SLC7A1: variants seen among roughly 807,000 people sequenced by gnomAD.
SLC7A1 encodes the protein solute carrier family 7 member 1.
A neutral mutation model predicts 53.9 loss-of-function variants in SLC7A1; 10 were observed. The observed-to-expected ratio is 0.19, with a 90% CI of 0.11 to 0.31. SLC7A1 has a LOEUF of 0.31. SLC7A1 is among the 10% of genes least tolerant of loss of function. The pLI is 1.00. For synonymous variants in SLC7A1, 342 were observed against 338.7 expected, an observed-to-expected ratio of 1.01 and a Z score of -0.11; for missense variants, 525 against 827.2, an observed-to-expected ratio of 0.63 and a Z score of 4.48.
chr13:29,540,314 G>A (rs986532696), intron 2 of SLC7A1, among the ~76,000 whole-genome samples: 23 of 152,156 alleles, frequency 1.5e-4, no homozygotes, highest in Admixed American at 3.9e-4. Flanking sequence ...AAGCCCAAGG[G>A]TCTCGGATCC....
chr13:29,574,571 T>A (rs1180734098), intron 1 of SLC7A1, among the ~76,000 whole-genome samples: 1 of 152,014 alleles, frequency 6.6e-6, no homozygotes, highest in Non-Finnish European at 1.5e-5. Context: ...ATTTGAAATC[T>A]TACATAAAAA....
At chr13:29,518,817 C>A (rs1399131922) in intron 9 of SLC7A1, among the ~76,000 whole-genome samples, 1 of 152,060 alleles carries the variant, frequency 6.6e-6, no homozygotes, top group Non-Finnish European at 1.5e-5. Flanking sequence ...ATGGAAGCTG[C>A]GCAGGGATGT....
At chr13:29,516,344 G>A in intron 11 of SLC7A1, 98 bp from the exon 12 acceptor site, 2 of 760,148 alleles carry the variant, frequency 2.6e-6, no homozygotes, top group South Asian at 1.7e-5. Context: ...GAGAGTGACA[G>A]GGACCGTCGG....
intron 5 of SLC7A1, 25 bp from the exon 6 acceptor site, chr13:29,524,278 T>C (rs1331143924): frequency 1.2e-6 from 2 of 1,613,946 alleles, no homozygotes; most frequent in Admixed American, 1.7e-5. Context: ...CGCAAACAAA[T>C]GTCACGTCAC....
In SLC7A1 at chr13:29,536,290, G is replaced by C. The variant is rs577072867; in HGVS notation, c.-14-88C>G. The C allele has an allele frequency of 5.4e-6, 7 of 1,292,792 alleles. No homozygotes were observed. In the African/African-American group the frequency reaches 1.0e-4, roughly 19 times the overall value. 80.1% of individuals were successfully genotyped at this position (1,292,792 alleles called of 1,614,324 possible). On this transcript the variant is annotated intron_variant, in intron 2 of 12. Transcript: ENST00000380752. ...ATCACATTATGGAAACACAGACAGT[G>C]ATCAGGTCCTTCATAATCATTTCCT...
chr13:29,527,960 C>A (rs114825114), intron 5 of SLC7A1, among the ~76,000 whole-genome samples: 1,612 of 152,386 alleles, frequency 0.011, 29 homozygotes, highest in African/African-American at 0.037. Flanking sequence ...GAGTAGCCAT[C>A]TGGCTAAGTT....
chr13:29,583,397 CT>C (rs1199966790), intron 1 of SLC7A1, among the ~76,000 whole-genome samples: 15 of 152,226 alleles, frequency 9.9e-5, no homozygotes, highest in Admixed American at 8.5e-4. Context: ...TGGAATCGTG[CT>C]TTCTTCCTTC....
chr13:29,513,243 G>A lies in SLC7A1; in HGVS notation c.*1237C>T, dbSNP rs771019380. 2.0e-5 allele frequency: 3 copies of A among 152,632 alleles called. No homozygotes were observed. The highest frequency in any genetic ancestry group is 6.5e-5 in the Admixed American group (1 of 15,286). The allele number at this position is 152,632 out of a possible 1,614,324, so 9.5% of individuals were successfully genotyped here. The stretch of plus-strand genomic sequence containing the variant: ...CAGAGGCGTGGGGTCCGAAGCATCC[G>A]GATGACAGATACACAAAAGGGACAG... On this transcript the variant is annotated 3_prime_UTR_variant, in exon 13 of 13. Coordinates refer to ENST00000380752, the MANE Select transcript of SLC7A1 (RefSeq NM_003045.5).
chr13:29,532,263 A>G (rs1312323911), intron 4 of SLC7A1, among the ~76,000 whole-genome samples: 1 of 152,254 alleles, frequency 6.6e-6, no homozygotes. Flanking sequence ...AGAAGTTGCC[A>G]TCAGCTGTGT....
chr13:29,559,493 G>C (rs866727490), intron 1 of SLC7A1, among the ~76,000 whole-genome samples: 124 of 67,796 alleles, frequency 1.8e-3, no homozygotes, highest in Non-Finnish European at 3.1e-3. Flanking sequence ...ATGTGAGTGA[G>C]GGGGAGTGAA....
rs1230085793 is a variant in SLC7A1 at position 29,514,315 on chromosome 13, C to G, written c.*165G>C. On this transcript the variant is annotated 3_prime_UTR_variant, in exon 13 of 13. Coordinates refer to ENST00000380752, the MANE Select transcript of SLC7A1 (RefSeq NM_003045.5). Reference sequence around the variant, plus strand: ...AGGGCCCGGAGAACCGGCTGCAGAGCCGAGGGTGGGCTGGGGCTGCAGGTC... The same window carrying G: ...AGGGCCCGGAGAACCGGCTGCAGAGGCGAGGGTGGGCTGGGGCTGCAGGTC... The G allele has an allele frequency of 2.0e-5, 12 of 607,328 alleles. No homozygotes were observed. Among genetic ancestry groups the G allele is most frequent in the Non-Finnish European group, 3.3e-5 (11 of 337,826 alleles). The allele number at this position is 607,328 out of a possible 1,614,324, so 37.6% of individuals were successfully genotyped here.
chr13:29,555,661 G>GA (rs1197518722), intron 1 of SLC7A1, among the ~76,000 whole-genome samples: 43 of 147,296 alleles, frequency 2.9e-4, no homozygotes, highest in African/African-American at 8.0e-4. Context: ...GTTAACTCTG[G>GA]AAAAAAAAAG....
chr13:29,584,899 C>T (rs1385359063), intron 1 of SLC7A1, among the ~76,000 whole-genome samples: 2 of 152,172 alleles, frequency 1.3e-5, no homozygotes, highest in African/African-American at 4.8e-5. Flanking sequence ...CACTCTTCTT[C>T]CCCAAAATCC....
At chr13:29,571,621 C>T (rs77500148) in intron 1 of SLC7A1, among the ~76,000 whole-genome samples, 4,424 of 152,308 alleles carry the variant, frequency 0.029, 211 homozygotes, top group African/African-American at 0.1. Context: ...AAGCATTACA[C>T]TTCATTAAGG....
chr13:29,544,678 G>T (rs1044663613), intron 2 of SLC7A1, among the ~76,000 whole-genome samples: 1 of 152,150 alleles, frequency 6.6e-6, no homozygotes, highest in Non-Finnish European at 1.5e-5. Context: ...TTTGACCAAT[G>T]AAAGGTGCAG....
At chr13:29,548,074 CG>C (rs1055204228) in intron 2 of SLC7A1, among the ~76,000 whole-genome samples, 8 of 152,178 alleles carry the variant, frequency 5.3e-5, no homozygotes, top group Non-Finnish European at 1.5e-5. Flanking sequence ...CCAAGAGTCA[CG>C]GAAGTGTAAC....
intron 12 of SLC7A1, among the ~76,000 whole-genome samples, chr13:29,515,103 A>C (rs1883516698): frequency 6.6e-6 from 1 of 152,200 alleles, no homozygotes; most frequent in African/African-American, 2.4e-5. Flanking sequence ...ACGGGACTCC[A>C]GGGTGGGTCC....
chr13:29,556,865 C>A (rs778552707), intron 1 of SLC7A1, among the ~76,000 whole-genome samples: 5 of 152,214 alleles, frequency 3.3e-5, no homozygotes, highest in Non-Finnish European at 7.3e-5. Context: ...ACAGGAAGAA[C>A]GCTGCTCTCC....
chr13:29,553,434 T>C (rs1870290877), intron 2 of SLC7A1, among the ~76,000 whole-genome samples: 1 of 152,088 alleles, frequency 6.6e-6, no homozygotes, highest in African/African-American at 2.4e-5. Flanking sequence ...CCCCAGAGCC[T>C]ACCCTGGTGA....
Sources: allele counts gnomAD v4.1 joint callset (sites outside exome capture counted in the v4.1 genomes callset), GRCh38; gene constraint gnomAD v4.1.1; transcripts MANE v1.5; gene names NCBI Gene and HGNC (gene_info 2026-07-23, HGNC 2026-07-21).